Variants in PPP1R37 observed in about 807,000 individuals in gnomAD.
PPP1R37 encodes the protein leucine rich repeat containing 68.
In PPP1R37, 21 loss-of-function variants were observed where a neutral mutation model predicts 61.0. The observed-to-expected ratio is 0.34, with a 90% CI of 0.24 to 0.50. PPP1R37 has a LOEUF of 0.50. Ranked by LOEUF, PPP1R37 falls within the 20% of genes least tolerant of loss-of-function variation. The pLI, the probability that PPP1R37 is intolerant of heterozygous loss-of-function variation, is 0.98. For synonymous variants in PPP1R37, 443 were observed against 433.5 expected, an observed-to-expected ratio of 1.02 and a Z score of -0.27; for missense variants, 910 against 952.7, an observed-to-expected ratio of 0.96 and a Z score of 0.59.
At position 45,093,181 on chromosome 19, in the gene PPP1R37, C is replaced by T. The variant is rs1967942561; in HGVS notation, c.-145C>T. 4.8e-6 allele frequency: 3 copies of T among 631,418 alleles called. No individual in the cohort carries two copies. Among genetic ancestry groups the T allele is most frequent in the Non-Finnish European group, 4.7e-6 (2 of 429,346 alleles). 39.1% of individuals were successfully genotyped at this position (631,418 alleles called of 1,614,324 possible). ...GGCGCGCTTGGGCTCCCGGCGGCGA[C>T]GACTACGACCACTAGGAGAGCGGAC... On this transcript the variant is annotated 5_prime_UTR_variant, in exon 1 of 13. The change creates a new upstream start codon in the 5' untranslated region. Coordinates refer to ENST00000221462, the MANE Select transcript of PPP1R37 (RefSeq NM_019121.2).
At position 45,120,014 on chromosome 19, in the gene PPP1R37, C is replaced by CTTTTTTTTTTTTTTTTTTTTTT. The variant is rs11312138; in HGVS notation, c.203-18479_203-18478insTTTTTTTTTTTTTTTTTTTTTT. Among the ~76,000 whole-genome samples, 349 of 83,558 alleles carry CTTTTTTTTTTTTTTTTTTTTTT rather than the reference C, an allele frequency of 4.2e-3. 22 individuals carry two copies. Among genetic ancestry groups the CTTTTTTTTTTTTTTTTTTTTTT allele is most frequent in the Non-Finnish European group, 7.2e-3 (300 of 41,770 alleles). 54.8% of individuals were successfully genotyped at this position (83,558 alleles called of 152,430 possible). ...AGCACAGATTTTTTATTTTCCCCTT[C>CTTTTTTTTTTTTTTTTTTTTTT]TTTTTTTTTTTTTTTTTTTTTGAGA... On this transcript the variant is annotated intron_variant, in intron 1 of 12. Transcript: ENST00000221462.
Position 45,146,790 on chromosome 19 carries a change from T to A in PPP1R37, c.*228T>A, listed in dbSNP as rs565399596. On this transcript the variant is annotated 3_prime_UTR_variant, in exon 13 of 13. Transcript: ENST00000221462. ...ATTTATGAGCCCAGCACTGGAAGAC[T>A]CTGGGGGTGAATGGGAGGAGGGGGA... The A allele has an allele frequency of 3.8e-6, 1 of 261,234 alleles. No individual in the cohort carries two copies. Among genetic ancestry groups the A allele is most frequent in the Non-Finnish European group, 7.6e-6 (1 of 132,358 alleles). 16.2% of individuals were successfully genotyped at this position (261,234 alleles called of 1,614,324 possible). A position where few individuals can be genotyped will look rare whatever the true frequency, so the allele number is the denominator to read the frequency against.
chr19:45,141,021 G>GCT (rs1968604448), intron 4 of PPP1R37, among the ~76,000 whole-genome samples: 1 of 152,158 alleles, frequency 6.6e-6, no homozygotes, highest in African/African-American at 2.4e-5. Context: ...GGGATCCAGG[G>GCT]GCAGGGGACC....
rs140634006 is a variant in PPP1R37, at chr19:45,116,380, A to G, written c.203-22134A>G. Reference sequence around the variant, plus strand: ...CTGGAGGCCTGGCTCCTTGTTGGCTATGTAAGCCTAGCCCGCCCCCTGGAG... The same window carrying G: ...CTGGAGGCCTGGCTCCTTGTTGGCTGTGTAAGCCTAGCCCGCCCCCTGGAG... On this transcript the variant is annotated intron_variant, in intron 1 of 12. Coordinates refer to ENST00000221462, the MANE Select transcript of PPP1R37 (RefSeq NM_019121.2). Among the ~76,000 whole-genome samples, 448 of 152,284 alleles carry G rather than the reference A, an allele frequency of 2.9e-3. 2 individuals carry two copies. The highest frequency in any genetic ancestry group is 1.0e-2 in the African/African-American group (415 of 41,576).
At chr19:45,138,846 C>CGAA (rs1968571261) in intron 2 of PPP1R37, among the ~76,000 whole-genome samples, 3 of 151,854 alleles carry the variant, frequency 2.0e-5, no homozygotes, top group Admixed American at 2.0e-4. Context: ...AAACGCTGTT[C>CGAA]CCTGGGGAAG....
chr19:45,115,889 G>T (rs2093317548), intron 1 of PPP1R37, among the ~76,000 whole-genome samples: 1 of 151,998 alleles, frequency 6.6e-6, no homozygotes, highest in Admixed American at 6.6e-5. Context: ...GAGGAGAATT[G>T]CGTGAACCCA....
intron 1 of PPP1R37, among the ~76,000 whole-genome samples, chr19:45,105,440 A>G (rs1968117807): frequency 6.6e-6 from 1 of 151,836 alleles, no homozygotes; most frequent in African/African-American, 2.4e-5. Context: ...CCATCTCTCC[A>G]TGTAGGACAC....
chr19:45,109,240 G>A (rs541259630), intron 1 of PPP1R37, among the ~76,000 whole-genome samples: 3 of 152,296 alleles, frequency 2.0e-5, no homozygotes, highest in African/African-American at 7.2e-5. Flanking sequence ...AGGAAAGGTG[G>A]GGGACAGGGG....
intron 1 of PPP1R37, among the ~76,000 whole-genome samples, chr19:45,097,583 G>A (rs1968009027): frequency 6.6e-6 from 1 of 152,012 alleles, no homozygotes; most frequent in Non-Finnish European, 1.5e-5. Context: ...GGGATTCCTG[G>A]AGATGAGGTG....
chr19:45,118,063 C>A (rs1251955145), intron 1 of PPP1R37, among the ~76,000 whole-genome samples: 1 of 152,244 alleles, frequency 6.6e-6, no homozygotes, highest in Non-Finnish European at 1.5e-5. Flanking sequence ...CAAGGAGTCA[C>A]AGGCAGAGGT....
intron 7 of PPP1R37, chr19:45,143,053 C>T (rs936926985): frequency 5.9e-6 from 1 of 168,628 alleles, no homozygotes; most frequent in Non-Finnish European, 1.3e-5. Context: ...GTGGCAGGCC[C>T]AGACCCCACT....
chr19:45,131,511 C>T (rs962653672), intron 1 of PPP1R37, among the ~76,000 whole-genome samples: 2 of 152,214 alleles, frequency 1.3e-5, no homozygotes, highest in African/African-American at 4.8e-5. Flanking sequence ...TTTCTTCTCC[C>T]AGATTGCTTC....
At chr19:45,132,089 T>C (rs1968485055) in intron 1 of PPP1R37, among the ~76,000 whole-genome samples, 1 of 152,154 alleles carries the variant, frequency 6.6e-6, no homozygotes, top group African/African-American at 2.4e-5. Flanking sequence ...CACATGTGTT[T>C]TGAACACACC....
chr19:45,147,088 A>C lies in PPP1R37; in HGVS notation c.*526A>C, dbSNP rs1599715668. 1 of 153,714 alleles carries C rather than the reference A, an allele frequency of 6.5e-6. No individual in the cohort carries two copies. The highest frequency in any genetic ancestry group is 2.4e-5 in the African/African-American group (1 of 41,442). The allele number at this position is 153,714 out of a possible 1,614,324, so 9.5% of individuals were successfully genotyped here. A position where few individuals can be genotyped will look rare whatever the true frequency, so the allele number is the denominator to read the frequency against. On this transcript the variant is annotated 3_prime_UTR_variant, in exon 13 of 13. Coordinates refer to ENST00000221462, the MANE Select transcript of PPP1R37 (RefSeq NM_019121.2). ...TTTTCTCAAGTGCAATAAATCTATC[A>C]GGGAGCTGGGGCGGGAGCAGCCGGC...
At chr19:45,103,203 C>T (rs551665692) in intron 1 of PPP1R37, among the ~76,000 whole-genome samples, 1 of 152,292 alleles carries the variant, frequency 6.6e-6, no homozygotes, top group East Asian at 1.9e-4. Context: ...TGTTCTCACC[C>T]CTTCCCTTCC....
chr19:45,145,327 G>A, intron 10 of PPP1R37, 26 bp from the exon 11 acceptor site: 2 of 1,527,740 alleles, frequency 1.3e-6, no homozygotes, highest in East Asian at 2.5e-5. Context: ...CGGCCTGAGA[G>A]CCCTAGCCAG....
Position 45,093,422 on chromosome 19 carries a change from C to A in PPP1R37, c.97C>A (p.Pro33Thr). 4.6e-6 allele frequency: 7 copies of A among 1,534,650 alleles called. No homozygotes were observed. Among genetic ancestry groups the A allele is most frequent in the East Asian group, 2.5e-5 (1 of 40,814 alleles). ...AEAGSPSPAS[P>T]PADGRLKAAA... ...GGCCGGGTCTCCCAGCCCCGCGTCG[C>A]CCCCCGCCGATGGGCGCCTCAAGGC... The change falls in exon 1 of 13, where the codon CCC (proline) becomes ACC (threonine). Residue 33 changes from proline to threonine, a missense_variant. By Grantham distance (38) the Pro-to-Thr change is conservative (BLOSUM62 -1). Transcript: ENST00000221462.
chr19:45,135,990 C>T (rs1599708766), intron 1 of PPP1R37: 1 of 152,070 alleles, frequency 6.6e-6, no homozygotes, highest in Non-Finnish European at 1.5e-5. Flanking sequence ...GCCGTGTTGC[C>T]CCGGCTGGTC....
rs771114889 is a variant in PPP1R37 at position 45,145,689 on chromosome 19, C to A, written c.1633C>A (p.Pro545Thr). Reference protein sequence around the residue: ...TDSLGPGDRSPPGSPSTPTEQ... With the variant: ...TDSLGPGDRSTPGSPSTPTEQ... ...CTCCCTGGGCCCTGGGGACAGGAGT[C>A]CCCCAGGCAGCCCCTCCACACCCAC... Residue 545 changes from proline (P) to threonine (T), a missense_variant, in exon 11 of 13, where the codon CCC (proline) becomes ACC (threonine). Physicochemically the swap from Pro to Thr is conservative, Grantham distance 38. Transcript: ENST00000221462. The A allele has an allele frequency of 4.6e-6, 7 of 1,534,486 alleles. No homozygotes were observed. The highest frequency in any genetic ancestry group is 6.1e-6 in the Non-Finnish European group (7 of 1,146,094).
Sources: allele counts gnomAD v4.1 joint callset (sites outside exome capture counted in the v4.1 genomes callset), GRCh38; gene constraint gnomAD v4.1.1; transcripts MANE v1.5; gene names NCBI Gene and HGNC (gene_info 2026-07-23, HGNC 2026-07-21).